The following ZNF320 variants were observed in gnomAD, a reference collection of about 807,000 sequenced individuals.
ZNF320 encodes zinc finger gene 320.
Under a neutral mutation model 6.8 loss-of-function variants are expected in ZNF320, and 2 were observed. That is an observed-to-expected ratio of 0.29 (90% CI 0.12 to 0.93). The LOEUF is 0.93. Ranked by LOEUF, ZNF320 falls within the 40% of genes least tolerant of loss-of-function variation. The pLI, the probability that ZNF320 is intolerant of heterozygous loss-of-function variation, is 0.55. For missense variants in ZNF320, 472 were observed against 611.0 expected, an observed-to-expected ratio of 0.77 and a Z score of 2.40; for synonymous variants, 208 against 203.2, an observed-to-expected ratio of 1.02 and a Z score of -0.20.
rs1682354113 is a variant in ZNF320, at chr19:52,876,451, T to C, written c.*4145A>G. 6.6e-6 allele frequency: 1 copy of C among 152,184 alleles called. No homozygotes were observed. Among genetic ancestry groups the C allele is most frequent in the African/African-American group, 2.4e-5 (1 of 41,448 alleles). 9.4% of individuals were successfully genotyped at this position (152,184 alleles called of 1,614,324 possible). ...ATACCGTAGTTGCAAAACAATGATG[T>C]TACCTCGTAAGATTATACCAAAGCT... On this transcript the variant is annotated 3_prime_UTR_variant, in exon 6 of 6. Coordinates refer to ENST00000682928, the MANE Select transcript of ZNF320 (RefSeq NM_001351774.2).
In ZNF320 at chr19:52,880,909, A is replaced by T; in HGVS notation, c.1217T>A (p.Leu406His). The change falls in exon 6 of 6, where the codon CTT becomes CAT. Residue 406 changes from leucine (L) to histidine (H), a missense_variant. Leu to His is a moderately conservative substitution (Grantham distance 99). Around this residue, in one of 2 missense-constraint regions of ZNF320, gnomAD observed 462 missense variants for 559.7 expected, o/e 0.83. Transcript: ENST00000682928. ...TTCGTAAAGTTTCTCTCCAGTATGA[A>T]GTTTTTGATGACATGCGAGGTACGC... ...TKAYLACHQK[L>H]HTGEKLYECE... 6.2e-7 allele frequency: 1 copy of T among 1,613,322 alleles called. No individual in the cohort carries two copies. Among genetic ancestry groups the T allele is most frequent in the Non-Finnish European group, 8.5e-7 (1 of 1,179,438 alleles).
At chr19:52,863,761 C>T (rs567675188) in exon 6 of ZNF320, 8 of 169,982 alleles carry the variant, frequency 4.7e-5, no homozygotes, top group Admixed American at 3.6e-4. Flanking sequence ...ATGCCAGGTG[C>T]GGTGGCTCAA....
upstream of ZNF320, chr19:52,897,726 G>A (rs1235021669): frequency 6.6e-6 from 1 of 150,590 alleles, no homozygotes; most frequent in Non-Finnish European, 1.5e-5. Flanking sequence ...GCCAGGCCTG[G>A]GCGGGACCCC....
intron 1 of ZNF320, among the ~76,000 whole-genome samples, chr19:52,896,493 G>C (rs936581957): frequency 3.3e-5 from 5 of 152,134 alleles, no homozygotes; most frequent in Admixed American, 2.6e-4. Flanking sequence ...TGGATCGCTT[G>C]AGCCCTGGAG....
At chr19:52,861,852 T>C in exon 6 of ZNF320, 1 of 388,804 alleles carries the variant, frequency 2.6e-6, no homozygotes, top group Non-Finnish European at 5.2e-6. Flanking sequence ...AAGATTTCTG[T>C]CCAGTAGGGA....
intron 5 of ZNF320, among the ~76,000 whole-genome samples, chr19:52,883,290 A>C (rs1274677083): frequency 6.6e-6 from 1 of 151,906 alleles, no homozygotes; most frequent in African/African-American, 2.4e-5. Context: ...GTGATCTCGA[A>C]CTCTGGTGAT....
intron 5 of ZNF320, among the ~76,000 whole-genome samples, chr19:52,886,849 C>G (rs1400643167): frequency 6.6e-6 from 1 of 151,928 alleles, no homozygotes; most frequent in Non-Finnish European, 1.5e-5. Context: ...GCACAAGAAT[C>G]CTTTGAGCCT....
intron 3 of ZNF320, 106 bp from the exon 4 acceptor site, chr19:52,890,434 T>C: frequency 1.1e-6 from 1 of 934,322 alleles, no homozygotes; most frequent in Non-Finnish European, 1.5e-6. Flanking sequence ...TATGGTCCCC[T>C]CTGCTGCCCA....
chr19:52,861,952 C>T, exon 6 of ZNF320: 1 of 362,834 alleles, frequency 2.8e-6, no homozygotes, highest in Non-Finnish European at 5.6e-6. Flanking sequence ...ATGAATTCTC[C>T]TATGTTTTGC....
At chr19:52,900,360 T>G (rs551746004), upstream of ZNF320, among the ~76,000 whole-genome samples, 1 of 152,316 alleles carries the variant, frequency 6.6e-6, no homozygotes, top group Non-Finnish European at 1.5e-5. Context: ...CAATACCGTC[T>G]AATAATTGAG....
chr19:52,881,463 T>G lies in ZNF320; in HGVS notation c.663A>C (p.Glu221Asp), dbSNP rs2063917337. 3 of 1,614,104 alleles carry G rather than the reference T, an allele frequency of 1.9e-6. No homozygotes were observed. Among genetic ancestry groups the G allele is most frequent in the Admixed American group, 1.7e-5 (1 of 60,010 alleles). The stretch of plus-strand genomic sequence containing the variant: ...CTTTTTGATCAAAAACCTTGCCACA[T>G]TCATTACATGTGTAATGTTTGTCTC... The part of the protein sequence containing the change: ...HRGDKHYTCN[E>D]CGKVFDQKAT... Residue 221 changes from glutamate (E) to aspartate (D), a missense_variant, in exon 6 of 6, where the codon GAA becomes GAC. Around this residue, in one of 2 missense-constraint regions of ZNF320, gnomAD observed 462 missense variants for 559.7 expected, o/e 0.83. Coordinates refer to ENST00000682928, the MANE Select transcript of ZNF320 (RefSeq NM_001351774.2).
chr19:52,899,898 A>G (rs2064566047), upstream of ZNF320, among the ~76,000 whole-genome samples: 2 of 152,210 alleles, frequency 1.3e-5, no homozygotes, highest in South Asian at 4.1e-4. Flanking sequence ...CGATAACCTC[A>G]TGAGCTGTCT....
chr19:52,870,419 A>C (rs865899764), intron 5 of ZNF320, among the ~76,000 whole-genome samples: 2 of 149,016 alleles, frequency 1.3e-5, no homozygotes, highest in African/African-American at 4.9e-5. Context: ...CGGAGCTTGC[A>C]GTGAGCCAAG....
chr19:52,897,172 T>C (rs536060884), intron 1 of ZNF320, among the ~76,000 whole-genome samples: 7 of 152,318 alleles, frequency 4.6e-5, no homozygotes, highest in African/African-American at 1.7e-4. Context: ...GAGTTGGAAC[T>C]AGGTAGCAAC....
chr19:52,869,059 G>C lies in ZNF320; in HGVS notation c.224-4900C>G, dbSNP rs534483326. On this transcript the variant is annotated intron_variant, in intron 5 of 5. Transcript: ENST00000673631. ...CCAGGAAAGGAAGGGCAAGGGTGGA[G>C]AGCAGGAAGTAATGGGCATGTAGGA... is the stretch of plus-strand genomic sequence containing the variant. 1.7e-3 allele frequency among the ~76,000 whole-genome samples: 257 copies of C among 152,164 alleles called. 1 individual carries two copies. Among genetic ancestry groups the C allele is most frequent in the African/African-American group, 5.9e-3 (243 of 41,494 alleles).
upstream of ZNF320, among the ~76,000 whole-genome samples, chr19:52,899,208 A>G (rs1300824876): frequency 6.6e-6 from 1 of 152,178 alleles, no homozygotes; most frequent in Non-Finnish European, 1.5e-5. Context: ...TTTTATTACT[A>G]TTATAACTCT....
At chr19:52,902,941 T>C in the ZNF320 span, among the ~76,000 whole-genome samples, 4 of 152,210 alleles carry the variant, frequency 2.6e-5, no homozygotes, top group Non-Finnish European at 2.9e-5. Flanking sequence ...GAATTTTCTT[T>C]ACAATTAATG....
intron 5 of ZNF320, among the ~76,000 whole-genome samples, chr19:52,865,972 T>C (rs1183217871): frequency 8.1e-6 from 1 of 123,438 alleles, no homozygotes; most frequent in South Asian, 2.3e-4. Flanking sequence ...ATTTATATAT[T>C]ATACATATAT....
Position 52,879,481 on chromosome 19 carries a change from A to G in ZNF320, c.*1115T>C. 6.3e-6 allele frequency: 1 copy of G among 157,912 alleles called. No homozygotes were observed. The allele number at this position is 157,912 out of a possible 1,614,324, so 9.8% of individuals were successfully genotyped here. Reference sequence around the variant, plus strand: ...CAATACAAAGACCATCCATGAAATGACCACAGCAGAAATAACCAGTCAGGG... The same window carrying G: ...CAATACAAAGACCATCCATGAAATGGCCACAGCAGAAATAACCAGTCAGGG... On this transcript the variant is annotated 3_prime_UTR_variant, in exon 6 of 6. Coordinates refer to ENST00000682928, the MANE Select transcript of ZNF320 (RefSeq NM_001351774.2).
Sources: gnomAD v4.1 joint callset for allele counts (sites outside exome capture counted in the v4.1 genomes callset) on GRCh38, gnomAD v4.1.1 for gene constraint, gnomAD v4.1.1 regional missense constraint, MANE v1.5 for transcripts, NCBI Gene and HGNC (gene_info 2026-07-23, HGNC 2026-07-21) for gene names.